Variants in MLLT6 observed in about 807,000 individuals in gnomAD.
MLLT6 encodes the protein MLLT6, PHD finger containing, also known as protein AF-17.
MLLT6 carries 22 observed loss-of-function variants against 103.0 expected under a neutral mutation model. That is an observed-to-expected ratio of 0.21 (90% CI 0.15 to 0.31). MLLT6 has a LOEUF of 0.31. Among genes scored for constraint, MLLT6 ranks in the 10% least tolerant of loss-of-function variants. The pLI, the probability that MLLT6 is intolerant of heterozygous loss-of-function variation, is 1.00. For missense variants in MLLT6, 1,199 were observed against 1,441.7 expected, an observed-to-expected ratio of 0.83 and a Z score of 2.73; for synonymous variants, 606 against 623.5, an observed-to-expected ratio of 0.97 and a Z score of 0.42.
In MLLT6 at chr17:38,719,556, C is replaced by G. The variant is rs769639152; in HGVS notation, c.1982C>G (p.Thr661Ser). 9.9e-6 allele frequency: 16 copies of G among 1,611,310 alleles called. No homozygotes were observed. The highest frequency in any genetic ancestry group is 1.4e-5 in the Non-Finnish European group (16 of 1,179,036). ...GACTGCAGCTTCCGGTGTCGGGGGA[C>G]CTCCCCTCAGGAGAGTCTGTCTTCC... ...LEDCSFRCRG[T>S]SPQESLSSMS... Residue 661 changes from threonine to serine, a missense_variant, in exon 13 of 20, where the codon ACC becomes AGC. Physicochemically the swap from Thr to Ser is moderately conservative, Grantham distance 58. Around this residue, in one of 7 missense-constraint regions of MLLT6, gnomAD observed 1,034 missense variants for 1,091.5 expected, o/e 0.95. Transcript: ENST00000621332.
At chr17:38,708,578 C>T (rs1404038412) in intron 4 of MLLT6, among the ~76,000 whole-genome samples, 1 of 152,182 alleles carries the variant, frequency 6.6e-6, no homozygotes, top group Admixed American at 6.5e-5. Context: ...AGCCATCGGC[C>T]ACACGTGGCT....
At chr17:38,720,591 C>A in intron 15 of MLLT6, 22 bp downstream of exon 15, 1 of 1,612,660 alleles carries the variant, frequency 6.2e-7, no homozygotes, top group Admixed American at 1.7e-5. Flanking sequence ...CTGCCCAGCC[C>A]GGGAGAGAGG....
At chr17:38,712,905 G>A (rs764584277) in intron 8 of MLLT6, 116 bp downstream of exon 8, 2 of 770,486 alleles carry the variant, frequency 2.6e-6, no homozygotes, top group Non-Finnish European at 4.7e-6. Flanking sequence ...ACAGCTTCAA[G>A]TTAATGCCAC....
chr17:38,707,049 T>A lies in MLLT6; in HGVS notation c.189+20T>A. The A allele has an allele frequency of 6.2e-7, 1 of 1,600,026 alleles. No homozygotes were observed. The highest frequency in any genetic ancestry group is 1.1e-5 in the South Asian group (1 of 90,470). On this transcript the variant is annotated intron_variant, in intron 2 of 19. Transcript: ENST00000621332. ...AGGGTGGTGAGTTCCAGACTGCCCC[T>A]CTCCACTCCCCTGCCCCTCCCACAC...
chr17:38,715,669 G>C lies in MLLT6; in HGVS notation c.877G>C (p.Glu293Gln), dbSNP rs1905306745. 1 of 1,614,124 alleles carries C rather than the reference G, an allele frequency of 6.2e-7. No individual in the cohort carries two copies. The highest frequency in any genetic ancestry group is 8.5e-7 in the Non-Finnish European group (1 of 1,180,026). Residue 293 changes from glutamate to glutamine, a missense_variant, in exon 9 of 20, where the codon GAG (glutamate) becomes CAG (glutamine). Physicochemically the swap from Glu to Gln is conservative, Grantham distance 29. Coordinates refer to ENST00000621332, the MANE Select transcript of MLLT6 (RefSeq NM_005937.4). The part of the protein sequence containing the change: ...HHEASTQETS[E>Q]SSRESKGKKS... ...CGAGGCCAGCACGCAGGAGACCTCT[G>C]AGAGCAGCAGGGAGTCAAAGGGGAA...
In MLLT6 at chr17:38,725,542, T is replaced by TC; in HGVS notation, c.3241-12dup. ...ACACTTTCCACACCCCCGGCCTCCC[T>TC]CCCTCTCTTTCCAGACCGCTGACAA... On this transcript the variant is annotated splice_polypyrimidine_tract_variant and intron_variant, in intron 19 of 19. Transcript: ENST00000621332. 1 of 1,606,094 alleles carries TC rather than the reference T, an allele frequency of 6.2e-7. No individual in the cohort carries two copies. Among genetic ancestry groups the TC allele is most frequent in the Non-Finnish European group, 8.5e-7 (1 of 1,176,584 alleles).
intron 2 of MLLT6, 49 bp from the exon 3 acceptor site, chr17:38,707,437 G>A (rs1344156606): frequency 6.3e-7 from 1 of 1,595,866 alleles, no homozygotes; most frequent in South Asian, 1.1e-5. Flanking sequence ...GTTCAGGGAG[G>A]GTCCAGCTCA....
rs1361567628 is a variant in MLLT6 at position 38,716,679 on chromosome 17, C to G, written c.1349C>G (p.Ala450Gly). 1 of 1,612,970 alleles carries G rather than the reference C, an allele frequency of 6.2e-7. No homozygotes were observed. The highest frequency in any genetic ancestry group is 1.7e-5 in the Admixed American group (1 of 59,926). Residue 450 changes from alanine (A) to glycine (G), a missense_variant, in exon 10 of 20, where the codon GCC becomes GGC. Physicochemically the swap from Ala to Gly is moderately conservative, Grantham distance 60. Around this residue, in one of 7 missense-constraint regions of MLLT6, gnomAD observed 1,034 missense variants for 1,091.5 expected, o/e 0.95. Transcript: ENST00000621332. The surrounding 1 kb of genome is among the most constrained non-coding windows in gnomAD (Gnocchi z 5.6). ...GTHKRMPALSATPVPADETPE... is the reference protein window; with the variant it reads ...GTHKRMPALSGTPVPADETPE... ...CACAAACGGATGCCCGCACTGAGTG[C>G]CACCCCTGTGCCTGCTGATGAGACC...
At position 38,727,497 on chromosome 17, in the gene MLLT6, C is replaced by T. The variant is rs1254666626; in HGVS notation, c.*1899C>T. 1 of 214,296 alleles carries T rather than the reference C, an allele frequency of 4.7e-6. No individual in the cohort carries two copies. The highest frequency in any genetic ancestry group is 5.8e-5 in the Admixed American group (1 of 17,102). 13.3% of individuals were successfully genotyped at this position (214,296 alleles called of 1,614,324 possible). On this transcript the variant is annotated 3_prime_UTR_variant, in exon 20 of 20. Transcript: ENST00000621332. ...AGCTGTGTAACTCCCTGCCCCAAAC[C>T]ACTGAAAAGAAAAGTAACCTTCAGG...
intron 14 of MLLT6, 60 bp from the exon 15 acceptor site, chr17:38,720,312 G>GCCCCCCCCCCCCCCCCCCCCCCCCCC: frequency 4.5e-6 from 2 of 445,630 alleles, no homozygotes; most frequent in Non-Finnish European, 8.3e-6. Flanking sequence ...CCCGCCCCCG[G>GCCCCCCCCCCCCCCCCCCCCCCCCCC]TCCCCTGGCC....
chr17:38,708,020 C>T (rs1415251296), intron 4 of MLLT6, 148 bp downstream of exon 4: 6 of 622,404 alleles, frequency 9.6e-6, no homozygotes, highest in Non-Finnish European at 1.8e-5. Context: ...GTGAACCACC[C>T]TTCTGTTGAC....
Position 38,721,897 on chromosome 17 carries a change from C to T in MLLT6, c.2462C>T (p.Pro821Leu), listed in dbSNP as rs771668714. Residue 821 changes from proline to leucine, a missense_variant, in exon 17 of 20, where the codon CCG (proline) becomes CTG (leucine). Coordinates refer to ENST00000621332, the MANE Select transcript of MLLT6 (RefSeq NM_005937.4). ...CCCCAGGACCCACACTCAGGCTGCC[C>T]GAGCCGCAGCAGCTCGTCGCTGTCC... ...TSSEDPHSGC[P>L]SRSSSSLSFH... The T allele has an allele frequency of 7.9e-5, 124 of 1,576,520 alleles. No homozygotes were observed. The highest frequency in any genetic ancestry group is 1.0e-4 in the Non-Finnish European group (118 of 1,169,250).
In MLLT6 at chr17:38,707,467, T is replaced by C. The variant is rs748756350; in HGVS notation, c.190-19T>C. ...AGCTCAGCAGATCCCCCAACCCCTG[T>C]GCACTCTTGCATTGGCAGAGGTGTG... On this transcript the variant is annotated intron_variant, in intron 2 of 19. Transcript: ENST00000621332. 11 of 1,613,726 alleles carry C rather than the reference T, an allele frequency of 6.8e-6. No individual in the cohort carries two copies. In the East Asian group the frequency reaches 2.2e-4, roughly 33 times the overall value.
In MLLT6 at chr17:38,729,189, G is replaced by A; in HGVS notation, c.*3591G>A. On this transcript the variant is annotated 3_prime_UTR_variant, in exon 20 of 20. Coordinates refer to ENST00000621332, the MANE Select transcript of MLLT6 (RefSeq NM_005937.4). ...ACAGGCTCCCCCTGCCAGCTTCTAG[G>A]ATCTTCCTTGGTGTGCAATGGGCCA... 4.3e-6 allele frequency: 1 copy of A among 233,152 alleles called. No homozygotes were observed. Among genetic ancestry groups the A allele is most frequent in the Non-Finnish European group, 8.5e-6 (1 of 117,994 alleles). 14.4% of individuals were successfully genotyped at this position (233,152 alleles called of 1,614,324 possible). A position where few individuals can be genotyped will look rare whatever the true frequency, so the allele number is the denominator to read the frequency against.
At chr17:38,721,368 A>G (rs1032621241) in intron 16 of MLLT6, among the ~76,000 whole-genome samples, 1 of 152,208 alleles carries the variant, frequency 6.6e-6, no homozygotes, top group Non-Finnish European at 1.5e-5. Flanking sequence ...TTTAGTCTTC[A>G]TAGTAAGCCT....
In MLLT6 at chr17:38,719,553, G is replaced by A. The variant is rs1905557506; in HGVS notation, c.1979G>A (p.Gly660Glu). 1 of 1,611,644 alleles carries A rather than the reference G, an allele frequency of 6.2e-7. No homozygotes were observed. Among genetic ancestry groups the A allele is most frequent in the South Asian group, 1.1e-5 (1 of 90,354 alleles). ...GAGGACTGCAGCTTCCGGTGTCGGG[G>A]GACCTCCCCTCAGGAGAGTCTGTCT... Reference protein sequence around the residue: ...DLEDCSFRCRGTSPQESLSSM... With the variant: ...DLEDCSFRCRETSPQESLSSM... The change falls in exon 13 of 20, where the codon GGG (glycine) becomes GAG (glutamate). Residue 660 changes from glycine (G) to glutamate (E), a missense_variant. Physicochemically the swap from Gly to Glu is moderately conservative, Grantham distance 98. Transcript: ENST00000621332.
rs557520785 is a variant in MLLT6 at position 38,717,949 on chromosome 17, C to T, written c.1938C>T (p.His646=). Residue 646 remains histidine (H), a synonymous_variant, in exon 12 of 20, where the codon CAC becomes CAT. Transcript: ENST00000621332. ...TCCTCTCCCAAGCTGAGAGCAGCCA[C>T]ACAGGTATGTGAATATCTGATCCCC... ...NPLLSQAESS[H]TEPDLEDCSF... 43 of 1,601,898 alleles carry T rather than the reference C, an allele frequency of 2.7e-5. No homozygotes were observed. In the South Asian group the frequency reaches 4.2e-4, roughly 16 times the overall value.
chr17:38,705,573 TGA>T lies in MLLT6; in HGVS notation c.-59_-58del. Reference sequence around the variant, plus strand: ...GGCCCCCCGCTCCCTCCCTCCCCCCTGACCCCCGACCCCCGCCGGCCGGCCCC... The same window carrying T: ...GGCCCCCCGCTCCCTCCCTCCCCCCTCCCCCGACCCCCGCCGGCCGGCCCC... On this transcript the variant is annotated 5_prime_UTR_variant, in exon 1 of 20. Transcript: ENST00000621332. 2 of 163,338 alleles carry T rather than the reference TGA, an allele frequency of 1.2e-5. No homozygotes were observed. The highest frequency in any genetic ancestry group is 1.2e-4 in the South Asian group (1 of 8,570). The allele number at this position is 163,338 out of a possible 1,614,324, so 10.1% of individuals were successfully genotyped here.
intron 14 of MLLT6, 52 bp from the exon 15 acceptor site, chr17:38,720,320 G>GCCCCCCCCCCCCCCCCCCCCC: frequency 2.7e-6 from 2 of 735,422 alleles, no homozygotes; most frequent in Non-Finnish European, 4.4e-6. Flanking sequence ...CGGTCCCCTG[G>GCCCCCCCCCCCCCCCCCCCCC]CCCCGCCTCC....
Sources: gnomAD v4.1 joint callset for allele counts (sites outside exome capture counted in the v4.1 genomes callset) on GRCh38, gnomAD v4.1.1 for gene constraint, gnomAD v4.1.1 regional missense constraint, Gnocchi (gnomAD v3.1) non-coding constraint, MANE v1.5 for transcripts, NCBI Gene and HGNC (gene_info 2026-07-23, HGNC 2026-07-21) for gene names.